The following XKR9 variants were observed in gnomAD, a reference collection of about 807,000 sequenced individuals.
XKR9 encodes the protein XK-related protein 9.
XKR9 carries 32 observed loss-of-function variants against 32.0 expected under a neutral mutation model. The observed-to-expected ratio is 1.00, with a 90% CI of 0.76 to 1.34. The LOEUF (loss-of-function observed/expected upper bound fraction) is 1.34, where lower values mean the gene tolerates loss of function less well. Ranked by LOEUF, XKR9 falls within the 40% of genes most tolerant of loss-of-function variation. XKR9 has a pLI of 0.00. For missense variants in XKR9, 546 were observed against 429.7 expected, an observed-to-expected ratio of 1.27 and a Z score of -2.39; for synonymous variants, 168 against 143.4, an observed-to-expected ratio of 1.17 and a Z score of -1.22.
the XKR9 span, among the ~76,000 whole-genome samples, chr8:71,015,184 C>T: frequency 1.3e-5 from 2 of 152,160 alleles, no homozygotes; most frequent in Non-Finnish European, 2.9e-5. Context: ...TTCAACTCTT[C>T]TAGTATGAAG....
At chr8:70,912,256 C>T in the XKR9 span, among the ~76,000 whole-genome samples, 18 of 152,116 alleles carry the variant, frequency 1.2e-4, no homozygotes, top group South Asian at 3.7e-3. Context: ...CATTTTGTGA[C>T]ATGATCAGAT....
At chr8:71,038,128 C>A in the XKR9 span, among the ~76,000 whole-genome samples, 1 of 152,116 alleles carries the variant, frequency 6.6e-6, no homozygotes. Flanking sequence ...CAATATCAGA[C>A]TAACTTACAA....
the XKR9 span, among the ~76,000 whole-genome samples, chr8:70,834,332 TTATTC>T: frequency 6.6e-6 from 1 of 152,130 alleles, no homozygotes; most frequent in Non-Finnish European, 1.5e-5. Context: ...ATAGCAGTAT[TTATTC>T]TTTCTTTGTT....
At chr8:70,777,928 C>A (rs1807555436) in intron 2 of XKR9, among the ~76,000 whole-genome samples, 1 of 152,068 alleles carries the variant, frequency 6.6e-6, no homozygotes, top group Admixed American at 6.6e-5. Context: ...ATGATAGTTT[C>A]TTTTGCTGTG....
chr8:70,855,781 G>A, the XKR9 span, among the ~76,000 whole-genome samples: 1 of 152,218 alleles, frequency 6.6e-6, no homozygotes, highest in African/African-American at 2.4e-5. Context: ...CTGATCTCTT[G>A]GCAGAAACTC....
At chr8:70,962,097 G>T in the XKR9 span, among the ~76,000 whole-genome samples, 10 of 152,046 alleles carry the variant, frequency 6.6e-5, no homozygotes, top group African/African-American at 2.2e-4. Flanking sequence ...ATCTTTTGAT[G>T]AAATCACCGT....
At chr8:70,920,651 A>T in the XKR9 span, among the ~76,000 whole-genome samples, 117 of 152,036 alleles carry the variant, frequency 7.7e-4, no homozygotes, top group Admixed American at 1.3e-3. Flanking sequence ...ATCCTTTTCT[A>T]TGTTCCATGC....
intron 4 of XKR9, among the ~76,000 whole-genome samples, chr8:70,710,487 G>A (rs891198517): frequency 2.0e-5 from 3 of 152,090 alleles, no homozygotes; most frequent in Non-Finnish European, 2.9e-5. Context: ...GATCACTTGA[G>A]GTCAGGAGTT....
the XKR9 span, among the ~76,000 whole-genome samples, chr8:70,967,872 T>C: frequency 6.6e-6 from 1 of 152,156 alleles, no homozygotes; most frequent in Non-Finnish European, 1.5e-5. Context: ...TTAACATTTT[T>C]TCTTGCATTC....
At chr8:71,023,182 A>G in the XKR9 span, among the ~76,000 whole-genome samples, 1 of 151,820 alleles carries the variant, frequency 6.6e-6, no homozygotes, top group Non-Finnish European at 1.5e-5. Context: ...TTGGTTTTTC[A>G]TGTTTCCTGT....
At chr8:70,702,283 T>C (rs1291367441) in intron 3 of XKR9, among the ~76,000 whole-genome samples, 1 of 152,170 alleles carries the variant, frequency 6.6e-6, no homozygotes, top group Non-Finnish European at 1.5e-5. Context: ...TTTATTATAA[T>C]AACATACTTC....
the XKR9 span, among the ~76,000 whole-genome samples, chr8:70,886,732 TG>T: frequency 6.6e-6 from 1 of 150,998 alleles, no homozygotes. Flanking sequence ...CACTTTTTGA[TG>T]TTTTTTTTTT....
the XKR9 span, among the ~76,000 whole-genome samples, chr8:71,020,154 C>T: frequency 3.9e-5 from 6 of 152,270 alleles, no homozygotes; most frequent in South Asian, 4.2e-4. Flanking sequence ...TAGTTCTTAA[C>T]ACCCTTTCCC....
chr8:70,761,397 C>T (rs543755119), intron 2 of XKR9, among the ~76,000 whole-genome samples: 3 of 152,206 alleles, frequency 2.0e-5, no homozygotes, highest in East Asian at 1.9e-4. Context: ...TAATAAAAGC[C>T]ACTCTGACTG....
chr8:71,029,086 G>A, the XKR9 span, among the ~76,000 whole-genome samples: 1 of 152,150 alleles, frequency 6.6e-6, no homozygotes, highest in Non-Finnish European at 1.5e-5. Context: ...CCCCACGTGA[G>A]CTGTTCTGTG....
chr8:70,959,901 T>A, the XKR9 span, among the ~76,000 whole-genome samples: 1 of 152,204 alleles, frequency 6.6e-6, no homozygotes, highest in Admixed American at 6.5e-5. Context: ...TAAAGAGATA[T>A]GTTTAATCAT....
chr8:70,726,583 CAGG>C (rs1362504709), intron 4 of XKR9, among the ~76,000 whole-genome samples: 1 of 152,152 alleles, frequency 6.6e-6, no homozygotes, highest in Non-Finnish European at 1.5e-5. Context: ...AGAACTGTAA[CAGG>C]AGATGAAACA....
the XKR9 span, among the ~76,000 whole-genome samples, chr8:71,042,486 G>A: frequency 6.6e-6 from 1 of 152,064 alleles, no homozygotes. Context: ...TGTAAGATTA[G>A]GATAGTAACA....
At chr8:70,693,074 G>A (rs1157520215) in intron 3 of XKR9, among the ~76,000 whole-genome samples, 4 of 152,126 alleles carry the variant, frequency 2.6e-5, no homozygotes, top group East Asian at 3.8e-4. Flanking sequence ...CTTGCATCCC[G>A]GGGCGAAACC....
Sources: gnomAD v4.1 joint callset for allele counts (sites outside exome capture counted in the v4.1 genomes callset) on GRCh38, gnomAD v4.1.1 for gene constraint, MANE v1.5 for transcripts, NCBI Gene and HGNC (gene_info 2026-07-23, HGNC 2026-07-21) for gene names.